The following CACNA1C variants were observed in gnomAD, a reference collection of about 807,000 sequenced individuals.
The protein encoded by CACNA1C is voltage-dependent L-type calcium channel subunit alpha-1C.
In CACNA1C, 30 loss-of-function variants were observed where a neutral mutation model predicts 229.0. The observed-to-expected ratio is 0.13, with a 90% CI of 0.10 to 0.18. CACNA1C has a LOEUF of 0.18. CACNA1C is among the 10% of genes least tolerant of loss of function. CACNA1C has a pLI of 1.00. For synonymous variants in CACNA1C, 1,114 were observed against 1,132.5 expected, an observed-to-expected ratio of 0.98 and a Z score of 0.33; for missense variants, 1,658 against 2,845.0, an observed-to-expected ratio of 0.58 and a Z score of 9.49.
At chr12:2,188,268 T>C (rs561037441) in intron 3 of CACNA1C, among the ~76,000 whole-genome samples, 1 of 152,274 alleles carries the variant, frequency 6.6e-6, no homozygotes, top group East Asian at 1.9e-4. Context: ...TATAACACAA[T>C]TGGGAAGAAT....
intron 3 of CACNA1C, among the ~76,000 whole-genome samples, chr12:2,446,456 G>A: frequency 7.9e-6 from 1 of 126,780 alleles, no homozygotes; most frequent in African/African-American, 2.9e-5. Context: ...GAATGGGTGA[G>A]TGGGTGGGTG....
intron 42 of CACNA1C, 62 bp from the exon 43 acceptor site, chr12:2,682,488 G>C: frequency 1.3e-6 from 2 of 1,583,040 alleles, no homozygotes; most frequent in Non-Finnish European, 1.7e-6. Context: ...TGCTTTACTT[G>C]CTGAAGGAAG....
chr12:2,390,851 G>GT (rs1280808508), intron 3 of CACNA1C, among the ~76,000 whole-genome samples: 1 of 152,224 alleles, frequency 6.6e-6, no homozygotes, highest in Non-Finnish European at 1.5e-5. Flanking sequence ...TTTTGCGTGA[G>GT]TGCAAGGTCT....
chr12:2,572,464 C>CT (rs2055767989), intron 13 of CACNA1C, among the ~76,000 whole-genome samples: 1 of 35,502 alleles, frequency 2.8e-5, no homozygotes, highest in African/African-American at 1.1e-4. Context: ...CCTCCTCCTC[C>CT]TCTTCCTCCT....
At position 2,410,033 on chromosome 12, in the gene CACNA1C, G is replaced by A. The variant is rs116346169; in HGVS notation, c.478-38943G>A. Among the ~76,000 whole-genome samples the A allele has an allele frequency of 9.4e-3, 1,429 of 152,270 alleles. 29 individuals are homozygous for A. Among genetic ancestry groups the A allele is most frequent in the African/African-American group, 0.033 (1,351 of 41,554 alleles). On this transcript the variant is annotated intron_variant, in intron 3 of 46. Coordinates refer to ENST00000399655, the MANE Select transcript of CACNA1C (RefSeq NM_000719.7). The surrounding 1 kb of genome is among the most constrained non-coding windows in gnomAD (Gnocchi z 5.3). ...CGCAAACAGAGGAGAATTTTCGCTC[G>A]GGGTGGGAATGAATCATCCTCACCT...
intron 3 of CACNA1C, among the ~76,000 whole-genome samples, chr12:2,357,664 T>TAAAAAA (rs550833961): frequency 1.5e-5 from 2 of 129,940 alleles, no homozygotes; most frequent in African/African-American, 2.9e-5. Context: ...TTTTTTTCCT[T>TAAAAAA]AAAAAAAAAA....
upstream of CACNA1C, among the ~76,000 whole-genome samples, chr12:2,048,973 C>T (rs1290430037): frequency 2.0e-5 from 3 of 152,196 alleles, no homozygotes; most frequent in Admixed American, 6.5e-5. Flanking sequence ...TTGGTGTGAA[C>T]CCTATTTAGT....
At chr12:2,415,312 G>A (rs1040889353) in intron 3 of CACNA1C, among the ~76,000 whole-genome samples, 1 of 152,028 alleles carries the variant, frequency 6.6e-6, no homozygotes, top group African/African-American at 2.4e-5. Context: ...TGTCCTATGA[G>A]CCACATCCAC....
intron 1 of CACNA1C, among the ~76,000 whole-genome samples, chr12:1,984,778 T>TTGAAA (rs1230989393): frequency 1.2e-5 from 1 of 81,346 alleles, no homozygotes; most frequent in Non-Finnish European, 2.3e-5. Context: ...GGTCTTCTGG[T>TTGAAA]AAAAAAAAAA....
At chr12:2,366,897 C>T (rs544789548) in intron 3 of CACNA1C, among the ~76,000 whole-genome samples, 6 of 152,142 alleles carry the variant, frequency 3.9e-5, no homozygotes, top group South Asian at 2.1e-4. Flanking sequence ...AGAGAGAGAG[C>T]GCATGCACAA....
At chr12:2,021,539 G>A (rs982986135) in intron 1 of CACNA1C, among the ~76,000 whole-genome samples, 1 of 152,072 alleles carries the variant, frequency 6.6e-6, no homozygotes, top group African/African-American at 2.4e-5. Context: ...AATAAGCAGG[G>A]CGTAGTGGTA....
chr12:2,236,495 C>T (rs2067428905), intron 3 of CACNA1C, among the ~76,000 whole-genome samples: 1 of 152,134 alleles, frequency 6.6e-6, no homozygotes, highest in African/African-American at 2.4e-5. Flanking sequence ...TGTTTAAAAA[C>T]TAAGTTTCCT....
At chr12:2,102,120 C>A (rs2076656676) in intron 1 of CACNA1C, among the ~76,000 whole-genome samples, 1 of 152,218 alleles carries the variant, frequency 6.6e-6, no homozygotes, top group African/African-American at 2.4e-5. Context: ...ACAAGAAACA[C>A]ATATTCATTT....
intron 11 of CACNA1C, among the ~76,000 whole-genome samples, chr12:2,560,458 G>A (rs2046851886): frequency 6.6e-6 from 1 of 152,158 alleles, no homozygotes; most frequent in Non-Finnish European, 1.5e-5. Context: ...GATTCCCTTG[G>A]TAATCCAGGT....
intron 30 of CACNA1C, among the ~76,000 whole-genome samples, chr12:2,640,325 A>G (rs2093509347): frequency 6.6e-6 from 1 of 152,174 alleles, no homozygotes; most frequent in Admixed American, 6.5e-5. Context: ...ACTGAAGGGC[A>G]GGGCCCAGTG....
intron 3 of CACNA1C, among the ~76,000 whole-genome samples, chr12:2,384,359 C>T (rs1255001928): frequency 4.6e-5 from 7 of 152,178 alleles, no homozygotes; most frequent in Non-Finnish European, 1.0e-4. Context: ...ACCCTAATCA[C>T]CTTATGTTGT....
At chr12:2,606,408 T>C (rs1325406847) in intron 24 of CACNA1C, among the ~76,000 whole-genome samples, 2 of 152,088 alleles carry the variant, frequency 1.3e-5, no homozygotes, top group African/African-American at 4.8e-5. Context: ...CTCCTGTTTT[T>C]GCATTGCAGT....
intron 1 of CACNA1C, among the ~76,000 whole-genome samples, chr12:2,037,778 G>C (rs966761772): frequency 1.3e-5 from 2 of 152,186 alleles, no homozygotes; most frequent in African/African-American, 4.8e-5. Flanking sequence ...AGCAGCATCA[G>C]CCTCACCTGG....
chr12:2,075,255 G>A (rs1008646731), intron 1 of CACNA1C, among the ~76,000 whole-genome samples: 2 of 152,128 alleles, frequency 1.3e-5, no homozygotes, highest in Admixed American at 6.5e-5. Flanking sequence ...CTGACTCCTG[G>A]GGTGGCAGCC....
Sources: allele counts gnomAD v4.1 joint callset (sites outside exome capture counted in the v4.1 genomes callset), GRCh38; gene constraint gnomAD v4.1.1; non-coding constraint Gnocchi (gnomAD v3.1); transcripts MANE v1.5; gene names NCBI Gene and HGNC (gene_info 2026-07-23, HGNC 2026-07-21).